The following PAPPA variants were observed in gnomAD, a reference collection of about 807,000 sequenced individuals.
PAPPA encodes the protein pappalysin-1.
In PAPPA, 60 loss-of-function variants were observed where a neutral mutation model predicts 164.0. That is an observed-to-expected ratio of 0.37 (90% CI 0.30 to 0.45). PAPPA has a LOEUF of 0.45. Ranked by LOEUF, PAPPA falls within the 20% of genes least tolerant of loss-of-function variation. PAPPA has a pLI of 1.00. For synonymous variants in PAPPA, 875 were observed against 814.1 expected (o/e 1.07, Z -1.27); for missense variants, 1,782 against 2,087.3 (o/e 0.85, Z 2.85).
chr9:116,291,289 T>C (rs1278364750), intron 9 of PAPPA, among the ~76,000 whole-genome samples: 1 of 152,152 alleles, frequency 6.6e-6, no homozygotes, highest in Non-Finnish European at 1.5e-5. Context: ...TCAGTTAGGA[T>C]AGAAAATAAA....
At position 116,187,952 on chromosome 9, in the gene PAPPA, T is replaced by C. The variant is rs759569762; in HGVS notation, c.1214T>C (p.Leu405Pro). 1 of 1,614,152 alleles carries C rather than the reference T, an allele frequency of 6.2e-7. No homozygotes were observed. Among genetic ancestry groups the C allele is most frequent in the South Asian group, 1.1e-5 (1 of 91,078 alleles). The change falls in exon 2 of 22, where the codon CTT (leucine) becomes CCT (proline). Residue 405 changes from leucine (L) to proline (P), a missense_variant. Leu to Pro is a moderately conservative substitution (Grantham distance 98). This residue lies in a region of PAPPA where 1,324 missense variants were observed against 1,656.9 expected (regional missense o/e 0.80). Transcript: ENST00000328252. The surrounding 1 kb of genome is among the most constrained non-coding windows in gnomAD (Gnocchi z 4.2). ...GTGCTGGAGGTGAGCAACTCCTCCCTTCGCCGCCGCCTCATCCTGGCCAAC... is the reference window on the plus strand; with the variant it reads ...GTGCTGGAGGTGAGCAACTCCTCCCCTCGCCGCCGCCTCATCCTGGCCAAC... Reference protein sequence around the residue: ...LDVLEVSNSSLRRRLILANCD... With the variant: ...LDVLEVSNSSPRRRLILANCD...
At chr9:116,377,049 A>AATC (rs1458116062) in intron 19 of PAPPA, among the ~76,000 whole-genome samples, 3 of 152,114 alleles carry the variant, frequency 2.0e-5, no homozygotes, top group Non-Finnish European at 4.4e-5. Context: ...AGGTCTGAGG[A>AATC]ATCTGCCGTT....
intron 1 of PAPPA, among the ~76,000 whole-genome samples, chr9:116,158,537 A>G (rs1252920863): frequency 1.3e-5 from 2 of 152,230 alleles, no homozygotes; most frequent in East Asian, 3.8e-4. Context: ...TGATGATGGC[A>G]CAAGTACCTG....
intron 1 of PAPPA, among the ~76,000 whole-genome samples, chr9:116,168,071 A>T (rs925536785): frequency 6.6e-6 from 1 of 152,192 alleles, no homozygotes; most frequent in Non-Finnish European, 1.5e-5. Context: ...GTGGGGTGAT[A>T]GTTATAACTA....
chr9:116,292,692 A>G (rs928047437), intron 9 of PAPPA, among the ~76,000 whole-genome samples: 4 of 152,204 alleles, frequency 2.6e-5, no homozygotes, highest in African/African-American at 9.6e-5. Context: ...ATATAATTTT[A>G]GGCAGTTGGG....
At chr9:116,178,923 G>C (rs1418471245) in intron 1 of PAPPA, among the ~76,000 whole-genome samples, 2 of 152,156 alleles carry the variant, frequency 1.3e-5, no homozygotes, top group Admixed American at 6.5e-5. Flanking sequence ...AGGAAGGCTG[G>C]AGACACAAGA....
At chr9:116,309,573 A>T (rs1163194497) in intron 10 of PAPPA, among the ~76,000 whole-genome samples, 1 of 152,104 alleles carries the variant, frequency 6.6e-6, no homozygotes, top group Non-Finnish European at 1.5e-5. Flanking sequence ...GACTGAGAGG[A>T]GGTCAGGGAG....
intron 4 of PAPPA, among the ~76,000 whole-genome samples, chr9:116,216,087 A>T (rs1000540531): frequency 1.1e-4 from 16 of 152,192 alleles, no homozygotes; most frequent in African/African-American, 3.9e-4. Flanking sequence ...AGTTTTTATT[A>T]TAAAATTATT....
chr9:116,364,760 A>T lies in PAPPA; in HGVS notation c.4495+2021A>T, dbSNP rs576378666. Among the ~76,000 whole-genome samples, 182 of 150,854 alleles carry T rather than the reference A, an allele frequency of 1.2e-3. 1 individual carries two copies. The highest frequency in any genetic ancestry group is 4.1e-3 in the African/African-American group (170 of 41,338). On this transcript the variant is annotated intron_variant, in intron 18 of 21. Coordinates refer to ENST00000328252, the MANE Select transcript of PAPPA (RefSeq NM_002581.5). ...CTCTCCATCAGAACAGTGGAGAAAGAGGGGAAGGGGTGGGAGGGTGGTATT... is the reference window on the plus strand; with the variant it reads ...CTCTCCATCAGAACAGTGGAGAAAGTGGGGAAGGGGTGGGAGGGTGGTATT...
Position 116,154,324 on chromosome 9 carries a change from C to A in PAPPA, c.152C>A (p.Ala51Glu). Residue 51 changes from alanine to glutamate, a missense_variant, in exon 1 of 22, where the codon GCG (alanine) becomes GAG (glutamate). Coordinates refer to ENST00000328252, the MANE Select transcript of PAPPA (RefSeq NM_002581.5). The surrounding 1 kb of genome is among the most constrained non-coding windows in gnomAD (Gnocchi z 5.2). ...AAGPATCATR[A>E]ARGRRASPPP... ...GGCCCGGCCACCTGCGCCACCCGGG[C>A]GGCCCGCGGCCGCCGCGCCTCGCCG... 1.2e-6 allele frequency: 1 copy of A among 861,880 alleles called. No individual in the cohort carries two copies. The highest frequency in any genetic ancestry group is 1.4e-6 in the Non-Finnish European group (1 of 721,170). The allele number at this position is 861,880 out of a possible 1,614,324, so 53.4% of individuals were successfully genotyped here. A position where few individuals can be genotyped will look rare whatever the true frequency, so the allele number is the denominator to read the frequency against.
rs778325886 is a variant in PAPPA at position 116,227,463 on chromosome 9, A to C, written c.2144A>C (p.Glu715Ala). 1 of 1,614,020 alleles carries C rather than the reference A, an allele frequency of 6.2e-7. No homozygotes were observed. Among genetic ancestry groups the C allele is most frequent in the Non-Finnish European group, 8.5e-7 (1 of 1,179,952 alleles). The change falls in exon 6 of 22, where the codon GAA (glutamate) becomes GCA (alanine). Residue 715 changes from glutamate to alanine, a missense_variant. Physicochemically the swap from Glu to Ala is moderately radical, Grantham distance 107. This residue lies in a region of PAPPA where 1,324 missense variants were observed against 1,656.9 expected (regional missense o/e 0.80). Coordinates refer to ENST00000328252, the MANE Select transcript of PAPPA (RefSeq NM_002581.5). ...ELGSACHLCL[E>A]GRILVQYASN... ...GGATCAGCATGTCATCTTTGCCTGG[A>C]AGGGAGAATCCTGGTGCAGTATGCT...
intron 1 of PAPPA, among the ~76,000 whole-genome samples, chr9:116,169,211 A>G (rs546730917): frequency 2.0e-5 from 3 of 147,372 alleles, no homozygotes; most frequent in South Asian, 4.3e-4. Context: ...ATCTTTCCCT[A>G]TCTCTCTTCC....
chr9:116,313,952 G>A (rs571103793), intron 10 of PAPPA, among the ~76,000 whole-genome samples: 1 of 151,912 alleles, frequency 6.6e-6, no homozygotes, highest in Non-Finnish European at 1.5e-5. Context: ...AATAATTAAG[G>A]GGAGATGGTG....
intron 9 of PAPPA, chr9:116,288,517 TCTTA>T (rs1043249240): frequency 3.3e-4 from 47 of 142,588 alleles, no homozygotes; most frequent in African/African-American, 1.2e-3. Context: ...CTTTCCCTCT[TCTTA>T]CTGAGAGATG....
intron 1 of PAPPA, among the ~76,000 whole-genome samples, chr9:116,161,243 T>C (rs1167952551): frequency 6.6e-6 from 1 of 152,230 alleles, no homozygotes; most frequent in Non-Finnish European, 1.5e-5. Flanking sequence ...AGTTCTTTGA[T>C]GTTGGGACTT....
At chr9:116,348,562 T>C (rs1369188602) in intron 15 of PAPPA, among the ~76,000 whole-genome samples, 1 of 152,142 alleles carries the variant, frequency 6.6e-6, no homozygotes. Context: ...ATTTGTGTCA[T>C]GGAGGTTCAT....
At chr9:116,230,597 A>C (rs1257203459) in intron 6 of PAPPA, among the ~76,000 whole-genome samples, 1 of 152,220 alleles carries the variant, frequency 6.6e-6, no homozygotes, top group Non-Finnish European at 1.5e-5. Context: ...ACTTCTTTTC[A>C]TATAATCCCA....
chr9:116,261,887 G>GTGTTTTGTTTTGTTT (rs71300680), intron 7 of PAPPA, among the ~76,000 whole-genome samples: 2,014 of 151,048 alleles, frequency 0.013, 21 homozygotes, highest in African/African-American at 0.031. Context: ...GTAGAAAAAA[G>GTGTTTTGTTTTGTTT]TGTTTTGTTT....
intron 5 of PAPPA, among the ~76,000 whole-genome samples, chr9:116,225,257 G>A (rs1485708880): frequency 2.0e-5 from 3 of 152,188 alleles, no homozygotes; most frequent in African/African-American, 7.2e-5. Flanking sequence ...GTCATCCTAA[G>A]GGAATGCCTC....
Sources: gnomAD v4.1 joint callset for allele counts (sites outside exome capture counted in the v4.1 genomes callset) on GRCh38, gnomAD v4.1.1 for gene constraint, gnomAD v4.1.1 regional missense constraint, Gnocchi (gnomAD v3.1) non-coding constraint, MANE v1.5 for transcripts, NCBI Gene and HGNC (gene_info 2026-07-23, HGNC 2026-07-21) for gene names.